Variants in C3orf20 observed in about 807,000 individuals in gnomAD.
C3orf20 encodes the protein family with sequence similarity 149 member C.
A neutral mutation model predicts 88.3 loss-of-function variants in C3orf20; 76 were observed. The ratio of observed to expected loss-of-function variants is 0.86; its 90% CI spans 0.72 to 1.04. The LOEUF (loss-of-function observed/expected upper bound fraction) is 1.04. C3orf20 is among the 50% of genes least tolerant of loss of function. C3orf20 has a pLI of 0.00. For missense variants in C3orf20, 1,056 were observed against 1,123.3 expected (o/e 0.94, Z 0.86); for synonymous variants, 436 against 437.4 (o/e 1.00, Z 0.04).
Position 14,768,029 on chromosome 3 carries a change from C to T in C3orf20, c.2496-4038C>T, listed in dbSNP as rs1477025676. ...GCGCTACAGAAACACCAATGTGAGC[C>T]TCAAGAGGCTTTGTATCCTGTAACA... On this transcript the variant is annotated intron_variant, in intron 15 of 16. Coordinates refer to ENST00000253697, the MANE Select transcript of C3orf20 (RefSeq NM_032137.5). The surrounding 1 kb of genome is among the most constrained non-coding windows in gnomAD (Gnocchi z 4.1). Among the ~76,000 whole-genome samples the T allele has an allele frequency of 6.6e-6, 1 of 152,248 alleles. No homozygotes were observed. The highest frequency in any genetic ancestry group is 1.5e-5 in the Non-Finnish European group (1 of 68,042).
chr3:14,754,253 C>T (rs1039185642), intron 12 of C3orf20, among the ~76,000 whole-genome samples: 2 of 152,202 alleles, frequency 1.3e-5, no homozygotes, highest in Non-Finnish European at 2.9e-5. Flanking sequence ...ACAGATGCTT[C>T]CCAGGAGGGA....
chr3:14,732,515 G>A lies in C3orf20; in HGVS notation c.1940+3827G>A, dbSNP rs143989800. Among the ~76,000 whole-genome samples, 416 of 152,262 alleles carry A rather than the reference G, an allele frequency of 2.7e-3. 3 individuals are homozygous for A. Among genetic ancestry groups the A allele is most frequent in the African/African-American group, 9.3e-3 (387 of 41,564 alleles). On this transcript the variant is annotated intron_variant, in intron 12 of 16. Transcript: ENST00000253697. ...AAATAGGTTTTTTCTTTTCTGGATT[G>A]TGATTTGTTGTCATGTCTAAAAACC...
chr3:14,706,686 C>T (rs2033516551), intron 7 of C3orf20, among the ~76,000 whole-genome samples: 3 of 151,882 alleles, frequency 2.0e-5, no homozygotes, highest in Admixed American at 6.6e-5. Context: ...GCTCTAGGCT[C>T]AGTTCTTTTT....
At chr3:14,692,251 A>G (rs955129708) in intron 5 of C3orf20, among the ~76,000 whole-genome samples, 1 of 152,188 alleles carries the variant, frequency 6.6e-6, no homozygotes, top group Admixed American at 6.5e-5. Flanking sequence ...CTGTTCTTTC[A>G]GGTATATACC....
At chr3:14,713,285 A>C (rs2033818489) in intron 7 of C3orf20, among the ~76,000 whole-genome samples, 1 of 151,998 alleles carries the variant, frequency 6.6e-6, no homozygotes, top group South Asian at 2.1e-4. Context: ...GACTCCTATT[A>C]TTCATATGTT....
intron 12 of C3orf20, among the ~76,000 whole-genome samples, chr3:14,751,415 G>T (rs988613184): frequency 2.6e-5 from 4 of 152,166 alleles, no homozygotes; most frequent in African/African-American, 9.7e-5. Context: ...AGCAGGGCAG[G>T]GTGTCGCCTC....
intron 12 of C3orf20, among the ~76,000 whole-genome samples, chr3:14,754,195 C>T (rs924650811): frequency 6.6e-6 from 1 of 152,184 alleles, no homozygotes. Flanking sequence ...CTTCTGTTTC[C>T]CCTTGCACCA....
chr3:14,755,883 G>A (rs528864122), intron 12 of C3orf20, among the ~76,000 whole-genome samples: 1 of 151,992 alleles, frequency 6.6e-6, no homozygotes, highest in South Asian at 2.1e-4. Context: ...CAAAAACTTA[G>A]CCAGGCGTGG....
rs775317577 is a variant in C3orf20, at chr3:14,728,569, T to C, written c.1821T>C (p.Ser607=). 168 of 1,614,070 alleles carry C rather than the reference T, an allele frequency of 1.0e-4. 1 individual carries two copies. Among genetic ancestry groups the C allele is most frequent in the South Asian group, 1.3e-4 (12 of 91,088 alleles). The change falls in exon 12 of 17, where the codon TCT becomes TCC. Residue 607 remains serine, a synonymous_variant. Coordinates refer to ENST00000253697, the MANE Select transcript of C3orf20 (RefSeq NM_032137.5). The stretch of plus-strand genomic sequence containing the variant: ...ACTCAGGAGAAAGTCTTTTACGATC[T>C]CAGTCAGGCCACCTGGAATCCTCAA... The part of the protein sequence containing the change: ...SLYSGESLLR[S]QSGHLESSIA...
intron 12 of C3orf20, among the ~76,000 whole-genome samples, chr3:14,736,296 C>CTTTTT (rs35624221): frequency 6.8e-6 from 1 of 147,326 alleles, no homozygotes; most frequent in Admixed American, 6.7e-5. Context: ...TTTTATTTCA[C>CTTTTT]TTTTTTTTTT....
intron 7 of C3orf20, among the ~76,000 whole-genome samples, chr3:14,708,087 G>A (rs1006167750): frequency 3.9e-5 from 6 of 152,092 alleles, no homozygotes; most frequent in African/African-American, 1.4e-4. Flanking sequence ...CTCCCAAAGT[G>A]CTGGGATTAT....
chr3:14,704,103 C>A (rs1199741919), intron 6 of C3orf20, among the ~76,000 whole-genome samples: 1 of 152,180 alleles, frequency 6.6e-6, no homozygotes, highest in Admixed American at 6.5e-5. Flanking sequence ...CATAGGTCCT[C>A]ACCCTCAGGC....
chr3:14,757,929 C>A (rs1001339003), intron 13 of C3orf20, among the ~76,000 whole-genome samples: 2 of 152,242 alleles, frequency 1.3e-5, no homozygotes, highest in Non-Finnish European at 2.9e-5. Flanking sequence ...CCTCTTCTGA[C>A]CCTTGAGACA....
chr3:14,738,738 T>TCAAACGACTCTCCTGCCTC (rs2034806032), intron 12 of C3orf20, among the ~76,000 whole-genome samples: 1 of 143,494 alleles, frequency 7.0e-6, no homozygotes, highest in Admixed American at 6.9e-5. Flanking sequence ...GCTCCTGGGT[T>TCAAACGACTCTCCTGCCTC]CAAGCGACTC....
chr3:14,687,674 C>T (rs1391947882), intron 4 of C3orf20, among the ~76,000 whole-genome samples: 1 of 152,184 alleles, frequency 6.6e-6, no homozygotes, highest in African/African-American at 2.4e-5. Context: ...TGAGCCACTC[C>T]CACCTGAATA....
At chr3:14,756,971 C>T (rs1364613742) in intron 12 of C3orf20, among the ~76,000 whole-genome samples, 1 of 152,066 alleles carries the variant, frequency 6.6e-6, no homozygotes, top group Non-Finnish European at 1.5e-5. Flanking sequence ...TAGCAGGCAG[C>T]CAGGCAAGAA....
At chr3:14,711,194 G>A (rs776589387) in intron 7 of C3orf20, among the ~76,000 whole-genome samples, 8 of 152,104 alleles carry the variant, frequency 5.3e-5, no homozygotes, top group African/African-American at 1.4e-4. Context: ...TACTGCAAGC[G>A]GCCTAAGTCC....
chr3:14,685,520 TAAG>T (rs1372395080), intron 4 of C3orf20, among the ~76,000 whole-genome samples: 2 of 148,920 alleles, frequency 1.3e-5, no homozygotes, highest in African/African-American at 2.5e-5. Context: ...GTATGTGTGT[TAAG>T]AACACAAAAT....
intron 4 of C3orf20, among the ~76,000 whole-genome samples, chr3:14,687,655 A>T (rs2032501012): frequency 6.6e-6 from 1 of 152,200 alleles, no homozygotes; most frequent in African/African-American, 2.4e-5. Context: ...CTCGGGCCTG[A>T]CACCTGCCTG....
Sources: gnomAD v4.1 joint callset for allele counts (sites outside exome capture counted in the v4.1 genomes callset) on GRCh38, gnomAD v4.1.1 for gene constraint, Gnocchi (gnomAD v3.1) non-coding constraint, MANE v1.5 for transcripts, NCBI Gene and HGNC (gene_info 2026-07-23, HGNC 2026-07-21) for gene names.